VWF: variants seen among roughly 807,000 people sequenced by gnomAD.
VWF encodes Factor VIII related antigen.
Under a neutral mutation model 308.6 loss-of-function variants are expected in VWF, and 176 were observed. That is an observed-to-expected ratio of 0.57 (90% confidence interval 0.50 to 0.65). The LOEUF is 0.65. VWF is among the 30% of genes least tolerant of loss of function. The pLI is 0.00. For missense variants in VWF, 3,146 were observed against 3,648.2 expected (o/e 0.86, Z 3.55); for synonymous variants, 1,385 against 1,443.4 (o/e 0.96, Z 0.92).
intron 38 of VWF, among the ~76,000 whole-genome samples, chr12:5,988,854 T>G (rs1406802772): frequency 6.6e-6 from 1 of 152,130 alleles, no homozygotes; most frequent in Non-Finnish European, 1.5e-5. Context: ...AGAACCGGTA[T>G]GAGAGCCAGC....
At chr12:6,100,392 G>A (rs1424057065) in intron 5 of VWF, among the ~76,000 whole-genome samples, 1 of 148,940 alleles carries the variant, frequency 6.7e-6, no homozygotes, top group Non-Finnish European at 1.5e-5. Context: ...CCATTACTGG[G>A]TATATACCCA....
rs148863462 is a variant in VWF at position 6,086,163 on chromosome 12, TAAC to T, written c.657+9294_657+9296del. On this transcript the variant is annotated intron_variant, in intron 6 of 51. Transcript: ENST00000261405. ...AAGACTGAGAGGCAGAGTAGGAAAG[TAAC>T]TTACACGAGGACATGCAGAGAATTG... 4.1e-3 allele frequency among the ~76,000 whole-genome samples: 628 copies of T among 152,238 alleles called. 4 individuals carry two copies. Among genetic ancestry groups the T allele is most frequent in the African/African-American group, 0.014 (593 of 41,540 alleles).
intron 9 of VWF, 70 bp downstream of exon 9, chr12:6,072,261 C>T: frequency 6.8e-7 from 1 of 1,469,166 alleles, no homozygotes; most frequent in Non-Finnish European, 9.5e-7. Context: ...GCCACCACCC[C>T]TGCTGACCCA....
intron 32 of VWF, among the ~76,000 whole-genome samples, chr12:6,013,150 C>T (rs564303179): frequency 1.4e-4 from 22 of 152,268 alleles, no homozygotes; most frequent in Non-Finnish European, 2.9e-4. Flanking sequence ...ACCTACGGAA[C>T]GCTGGGGTTC....
At chr12:5,999,854 T>TG (rs1446180899) in intron 34 of VWF, among the ~76,000 whole-genome samples, 2 of 150,856 alleles carry the variant, frequency 1.3e-5, no homozygotes, top group Non-Finnish European at 3.0e-5. Flanking sequence ...GTGAACTTGG[T>TG]GGGGGTGGGT....
At chr12:6,101,505 G>A (rs535140275) in intron 5 of VWF, among the ~76,000 whole-genome samples, 66 of 152,286 alleles carry the variant, frequency 4.3e-4, no homozygotes, top group Non-Finnish European at 2.9e-4. Flanking sequence ...GGCCAGGCGC[G>A]GTGGCTCACG....
rs181811372 is a variant in VWF, at chr12:5,961,708, A to T, written c.7887+5778T>A. ...AAGCAACAAACAAAACATAAAATTT[A>T]AAAAAAACTTCCATTTGCAATATCG... On this transcript the variant is annotated intron_variant, in intron 47 of 51. Coordinates refer to ENST00000261405, the MANE Select transcript of VWF (RefSeq NM_000552.5). Among the ~76,000 whole-genome samples, 402 of 151,972 alleles carry T rather than the reference A, an allele frequency of 2.6e-3. 1 individual carries two copies. The highest frequency in any genetic ancestry group is 8.9e-3 in the African/African-American group (369 of 41,418).
At position 5,985,003 on chromosome 12, in the gene VWF, T is replaced by C. The variant is rs775844822; in HGVS notation, c.6976+42A>G. On this transcript the variant is annotated intron_variant, in intron 40 of 51. Transcript: ENST00000261405. ...CCTTCAACGTGGTGCCCCCTGGGGC[T>C]AGGGTTGGGCCCTGGAGACATCCCC... 3 of 1,604,350 alleles carry C rather than the reference T, an allele frequency of 1.9e-6. No homozygotes were observed. The South Asian group carries it at 3.3e-5, about 18-fold the overall frequency.
intron 44 of VWF, among the ~76,000 whole-genome samples, chr12:5,970,438 G>A (rs1943459562): frequency 6.6e-6 from 1 of 152,134 alleles, no homozygotes; most frequent in African/African-American, 2.4e-5. Flanking sequence ...AAAGGGGCAG[G>A]AATACTGAGC....
At chr12:6,092,672 T>TGTGTGTGTGTGC (rs1425650450) in intron 6 of VWF, among the ~76,000 whole-genome samples, 1 of 144,794 alleles carries the variant, frequency 6.9e-6, no homozygotes, top group Non-Finnish European at 1.5e-5. Flanking sequence ...TGTGTGTGTG[T>TGTGTGTGTGTGC]GCTGACCAGC....
chr12:6,048,960 T>G (rs1049187739), intron 16 of VWF, among the ~76,000 whole-genome samples: 4 of 152,218 alleles, frequency 2.6e-5, no homozygotes, highest in African/African-American at 9.6e-5. Context: ...CATTTGGACA[T>G]GACCCAAAAG....
chr12:6,115,038 G>C (rs1398921962), intron 3 of VWF, among the ~76,000 whole-genome samples: 1 of 152,162 alleles, frequency 6.6e-6, no homozygotes, highest in Non-Finnish European at 1.5e-5. Flanking sequence ...AGGGAATTTG[G>C]GGTTTTGTTT....
At chr12:6,080,232 T>C (rs1383709795) in intron 6 of VWF, among the ~76,000 whole-genome samples, 1 of 152,242 alleles carries the variant, frequency 6.6e-6, no homozygotes, top group African/African-American at 2.4e-5. Context: ...AGGAGCTGTA[T>C]TCCCAGGGCA....
At chr12:5,975,759 T>C (rs1327613992) in intron 43 of VWF, among the ~76,000 whole-genome samples, 3 of 151,678 alleles carry the variant, frequency 2.0e-5, no homozygotes, top group African/African-American at 7.2e-5. Context: ...ACCAGTACTT[T>C]AGACTTAAGG....
rs1555075272 is a variant in VWF at position 6,103,425 on chromosome 12, T to TACACGTGTGTATAC, written c.532+6948_532+6949insGTATACACACGTGT. Among the ~76,000 whole-genome samples, 329 of 118,182 alleles carry TACACGTGTGTATAC rather than the reference T, an allele frequency of 2.8e-3. 25 individuals carry two copies. The highest frequency in any genetic ancestry group is 0.017 in the African/African-American group (321 of 19,422). 77.5% of individuals were successfully genotyped at this position (118,182 alleles called of 152,430 possible). On this transcript the variant is annotated intron_variant, in intron 5 of 51. Coordinates refer to ENST00000261405, the MANE Select transcript of VWF (RefSeq NM_000552.5). ...GTGTGTGTATACACACGTGTGTGTA[T>TACACGTGTGTATAC]ACACACGTGTGTATATACATACACA...
intron 5 of VWF, among the ~76,000 whole-genome samples, chr12:6,108,332 TATAC>T (rs1310262524): frequency 1.2e-4 from 6 of 49,010 alleles, no homozygotes; most frequent in Admixed American, 3.5e-4. Context: ...GAAAGAAATA[TATAC>T]ACACACACAC....
chr12:6,056,288 C>T (rs1944577423), intron 15 of VWF, among the ~76,000 whole-genome samples: 1 of 58,016 alleles, frequency 1.7e-5, no homozygotes, highest in African/African-American at 1.2e-4. Flanking sequence ...AAAAAGTGAG[C>T]ACAATAGATA....
intron 42 of VWF, among the ~76,000 whole-genome samples, chr12:5,980,211 G>A (rs1943589085): frequency 1.9e-5 from 1 of 52,676 alleles, no homozygotes. Flanking sequence ...ACGTAGGTAG[G>A]TAGGGAGGGA....
At chr12:6,048,347 T>C (rs1006638477) in intron 16 of VWF, among the ~76,000 whole-genome samples, 4 of 152,070 alleles carry the variant, frequency 2.6e-5, no homozygotes, top group Admixed American at 1.3e-4. Context: ...TTTGTATTTT[T>C]AGTAGAGACG....
Sources: allele counts gnomAD v4.1 joint callset (sites outside exome capture counted in the v4.1 genomes callset), GRCh38; gene constraint gnomAD v4.1.1; transcripts MANE v1.5; gene names NCBI Gene and HGNC (gene_info 2026-07-23, HGNC 2026-07-21).